TMEM135: variants seen among roughly 807,000 people sequenced by gnomAD.
TMEM135 encodes transmembrane protein 135, also known as peroxisomal membrane protein 52.
TMEM135 carries 30 observed loss-of-function variants against 60.3 expected under a neutral mutation model. The ratio of observed to expected loss-of-function variants is 0.50; its 90% CI spans 0.37 to 0.68. The LOEUF is 0.68. TMEM135 is among the 30% of genes least tolerant of loss of function. TMEM135 has a pLI of 0.00. For missense variants in TMEM135, 468 were observed against 548.8 expected (o/e 0.85, Z 1.47); for synonymous variants, 190 against 186.7 (o/e 1.02, Z -0.14).
intron 5 of TMEM135, among the ~76,000 whole-genome samples, chr11:87,208,442 A>G (rs1400516125): frequency 6.6e-6 from 1 of 152,302 alleles, no homozygotes; most frequent in East Asian, 1.9e-4. Context: ...TGATGGTAGA[A>G]TAGACCAAGC....
chr11:87,192,668 TC>T (rs74456448), intron 5 of TMEM135, among the ~76,000 whole-genome samples: 2,283 of 152,348 alleles, frequency 0.015, 152 homozygotes, highest in East Asian at 0.12. Context: ...TAAGCTTTAT[TC>T]CATGTAATTT....
intron 6 of TMEM135, among the ~76,000 whole-genome samples, chr11:87,258,281 C>G (rs532166227): frequency 1.3e-4 from 20 of 151,804 alleles, no homozygotes; most frequent in African/African-American, 4.8e-4. Context: ...ACACACAAAT[C>G]TAACAGCCAA....
intron 5 of TMEM135, among the ~76,000 whole-genome samples, chr11:87,161,576 C>A (rs959461439): frequency 6.6e-6 from 1 of 152,102 alleles, no homozygotes; most frequent in African/African-American, 2.4e-5. Context: ...GGCAGGATTT[C>A]AAACCCTGCT....
chr11:87,318,874 C>CTT (rs71470739), intron 13 of TMEM135, among the ~76,000 whole-genome samples: 21 of 134,280 alleles, frequency 1.6e-4, no homozygotes, highest in South Asian at 9.4e-4. Context: ...TTTTTTTTTT[C>CTT]TTTTTTTTTT....
At position 87,326,215 on chromosome 11, in the gene TMEM135, A is replaced by G; in HGVS notation, c.*4882A>G. 2.2e-6 allele frequency: 1 copy of G among 453,898 alleles called. No homozygotes were observed. Among genetic ancestry groups the G allele is most frequent in the South Asian group, 1.6e-5 (1 of 64,478 alleles). The allele number at this position is 453,898 out of a possible 1,614,324, so 28.1% of individuals were successfully genotyped here. ...ATAGGATGTTCCCTGGTCTTGGCAT[A>G]GAGGCCATAGGCATACAACATGCTT... On this transcript the variant is annotated 3_prime_UTR_variant, in exon 15 of 15. Transcript: ENST00000305494.
chr11:87,221,159 A>G (rs2135354029), intron 5 of TMEM135, among the ~76,000 whole-genome samples: 1 of 152,302 alleles, frequency 6.6e-6, no homozygotes, highest in East Asian at 1.9e-4. Context: ...GACAATTTCT[A>G]CTGGAATTGA....
At chr11:87,124,501 G>GT (rs1937666191) in intron 4 of TMEM135, among the ~76,000 whole-genome samples, 1 of 152,126 alleles carries the variant, frequency 6.6e-6, no homozygotes, top group Admixed American at 6.5e-5. Flanking sequence ...AATGTGACCT[G>GT]TGTAGCATTC....
intron 6 of TMEM135, among the ~76,000 whole-genome samples, chr11:87,271,021 TA>T (rs1304514064): frequency 6.6e-6 from 1 of 152,146 alleles, no homozygotes; most frequent in East Asian, 1.9e-4. Context: ...AACACCCGAA[TA>T]AATCATAATT....
Position 87,305,963 on chromosome 11 carries a change from T to C in TMEM135, c.726T>C (p.Cys242=). 6.2e-7 allele frequency: 1 copy of C among 1,603,816 alleles called. No homozygotes were observed. Among genetic ancestry groups the C allele is most frequent in the Non-Finnish European group, 8.5e-7 (1 of 1,174,220 alleles). The change falls in exon 9 of 15, where the codon TGT becomes TGC. Residue 242 remains cysteine (C), a synonymous_variant. Transcript: ENST00000305494. ...GCAAACATGGACCAAGGCATAGATG[T>C]TGCAAACATTATGAAGATAATTGCA... ...SICKHGPRHR[C]CKHYEDNCIS... is the part of the protein sequence containing the mutation.
At chr11:87,042,954 G>T (rs1330292214) in intron 1 of TMEM135, among the ~76,000 whole-genome samples, 11 of 125,414 alleles carry the variant, frequency 8.8e-5, no homozygotes, top group South Asian at 2.6e-4. Context: ...CTGTAGTTTT[G>T]TTTTGTTTTT....
chr11:87,311,965 CTTTG>C (rs756596622), intron 10 of TMEM135, among the ~76,000 whole-genome samples: 8 of 151,602 alleles, frequency 5.3e-5, no homozygotes, highest in Non-Finnish European at 1.0e-4. Flanking sequence ...CTTTTTCTGT[CTTTG>C]TTTGAAAAAC....
At chr11:87,184,598 T>C (rs540953770) in intron 5 of TMEM135, among the ~76,000 whole-genome samples, 4 of 152,344 alleles carry the variant, frequency 2.6e-5, no homozygotes, top group East Asian at 1.9e-4. Flanking sequence ...GTGTGGACTT[T>C]ATGTGTATTT....
intron 1 of TMEM135, among the ~76,000 whole-genome samples, chr11:87,053,987 G>A (rs1261964954): frequency 2.0e-5 from 3 of 152,160 alleles, no homozygotes; most frequent in African/African-American, 7.2e-5. Context: ...ATTTGTTAGT[G>A]AGCCTGAATA....
intron 4 of TMEM135, among the ~76,000 whole-genome samples, chr11:87,119,832 A>C (rs1163165746): frequency 6.6e-6 from 1 of 152,230 alleles, no homozygotes; most frequent in African/African-American, 2.4e-5. Context: ...CTCTTGGAAA[A>C]ATATCTTGGA....
chr11:87,294,354 G>A (rs1942314681), intron 6 of TMEM135, among the ~76,000 whole-genome samples: 1 of 152,150 alleles, frequency 6.6e-6, no homozygotes, highest in Admixed American at 6.5e-5. Flanking sequence ...AGAAGACATA[G>A]AGGAATAATT....
chr11:87,167,568 T>C (rs144040204), intron 5 of TMEM135, among the ~76,000 whole-genome samples: 158 of 152,308 alleles, frequency 1.0e-3, no homozygotes, highest in Non-Finnish European at 1.9e-3. Context: ...GGGATAATCA[T>C]GTGGTTTTTG....
At chr11:87,271,696 G>T (rs1941865716) in intron 6 of TMEM135, among the ~76,000 whole-genome samples, 1 of 152,088 alleles carries the variant, frequency 6.6e-6, no homozygotes, top group Admixed American at 6.6e-5. Context: ...CACTTTGGGA[G>T]GCCAAGGTAG....
intron 4 of TMEM135, among the ~76,000 whole-genome samples, chr11:87,106,658 A>T (rs746689808): frequency 6.6e-6 from 1 of 152,132 alleles, no homozygotes; most frequent in Non-Finnish European, 1.5e-5. Context: ...GTAAGTGTTT[A>T]TTAGAATTCA....
At chr11:87,155,214 G>T (rs908578963) in intron 4 of TMEM135, among the ~76,000 whole-genome samples, 11 of 152,156 alleles carry the variant, frequency 7.2e-5, no homozygotes, top group Non-Finnish European at 1.5e-4. Flanking sequence ...GGCCAGGCTG[G>T]TCTCGAACTC....
Sources: gnomAD v4.1 joint callset for allele counts (sites outside exome capture counted in the v4.1 genomes callset) on GRCh38, gnomAD v4.1.1 for gene constraint, MANE v1.5 for transcripts, NCBI Gene and HGNC (gene_info 2026-07-23, HGNC 2026-07-21) for gene names.